UGT3A2: variants seen among roughly 807,000 people sequenced by gnomAD.
UGT3A2 encodes the protein UDP-glycosyltransferase 3A2.
UGT3A2 carries 32 observed loss-of-function variants against 39.8 expected under a neutral mutation model. The ratio of observed to expected loss-of-function variants is 0.80; its 90% confidence interval spans 0.61 to 1.08. The LOEUF (loss-of-function observed/expected upper bound fraction) is 1.08, where lower values mean the gene tolerates loss of function less well. UGT3A2 is among the 50% of genes least tolerant of loss of function. The pLI, the probability that UGT3A2 is intolerant of heterozygous loss-of-function variation, is 0.00. For synonymous variants in UGT3A2, 241 were observed against 230.7 expected, an observed-to-expected ratio of 1.04 and a Z score of -0.40; for missense variants, 611 against 637.1, an observed-to-expected ratio of 0.96 and a Z score of 0.44.
intron 6 of UGT3A2, among the ~76,000 whole-genome samples, chr5:36,036,225 T>C (rs1031078395): frequency 1.3e-5 from 2 of 152,210 alleles, no homozygotes; most frequent in Admixed American, 6.5e-5. Context: ...CAAGGAGGCT[T>C]ATGATGTGCC....
chr5:36,040,627 C>A (rs1741976943), intron 4 of UGT3A2, among the ~76,000 whole-genome samples: 1 of 152,134 alleles, frequency 6.6e-6, no homozygotes, highest in South Asian at 2.1e-4. Flanking sequence ...CAGCTGGCAC[C>A]CATGCAGGGA....
intron 2 of UGT3A2, among the ~76,000 whole-genome samples, chr5:36,058,490 C>A (rs1742583093): frequency 6.6e-6 from 1 of 152,158 alleles, no homozygotes; most frequent in African/African-American, 2.4e-5. Flanking sequence ...AGCAAACTGA[C>A]AAACTGCGTC....
At chr5:36,053,140 G>A (rs1742402331) in intron 2 of UGT3A2, among the ~76,000 whole-genome samples, 1 of 152,176 alleles carries the variant, frequency 6.6e-6, no homozygotes, top group African/African-American at 2.4e-5. Context: ...ACATTACATT[G>A]AGGGTGTCCT....
intron 3 of UGT3A2, among the ~76,000 whole-genome samples, chr5:36,050,340 G>T (rs906008351): frequency 1.3e-5 from 2 of 152,152 alleles, no homozygotes; most frequent in African/African-American, 4.8e-5. Flanking sequence ...GGAAATAGAT[G>T]AGGATGCCTA....
chr5:36,064,293 T>C lies in UGT3A2; in HGVS notation c.152A>G (p.His51Arg). 1 of 1,614,226 alleles carries C rather than the reference T, an allele frequency of 6.2e-7. No homozygotes were observed. The highest frequency in any genetic ancestry group is 1.3e-5 in the African/African-American group (1 of 75,058). ...TTTGTGGTTAAGCATGGTGACATTA[T>C]GACCGTGATCTTGAAGAATCTGAGA... is the stretch of plus-strand genomic sequence containing the variant. ...RVSQILQDHG[H>R]NVTMLNHKRG... The change falls in exon 2 of 7, where the codon CAT (histidine) becomes CGT (arginine). Residue 51 changes from histidine (H) to arginine (R), a missense_variant. His to Arg is a conservative substitution (Grantham distance 29). Transcript: ENST00000282507.
chr5:36,039,819 C>T, intron 4 of UGT3A2, 111 bp from the exon 5 acceptor site: 2 of 806,212 alleles, frequency 2.5e-6, no homozygotes. Context: ...TCCTCACTGT[C>T]CCAAAGCTAT....
At chr5:36,044,878 G>T (rs1742119571) in intron 4 of UGT3A2, among the ~76,000 whole-genome samples, 1 of 152,130 alleles carries the variant, frequency 6.6e-6, no homozygotes, top group African/African-American at 2.4e-5. Flanking sequence ...TGCACTGGAA[G>T]AATCAATATT....
intron 2 of UGT3A2, among the ~76,000 whole-genome samples, chr5:36,061,107 G>A (rs558612463): frequency 1.6e-4 from 25 of 152,210 alleles, no homozygotes; most frequent in African/African-American, 6.0e-4. Context: ...AGGTAACGGA[G>A]GTTGCAGTGA....
At chr5:36,047,710 T>C (rs1381788953) in intron 4 of UGT3A2, among the ~76,000 whole-genome samples, 1 of 152,186 alleles carries the variant, frequency 6.6e-6, no homozygotes, top group East Asian at 1.9e-4. Flanking sequence ...ACTCCCATTG[T>C]TATCCTCTTA....
intron 2 of UGT3A2, 62 bp from the exon 3 acceptor site, chr5:36,052,046 G>T: frequency 1.0e-6 from 1 of 994,592 alleles, no homozygotes; most frequent in Non-Finnish European, 1.5e-6. Flanking sequence ...AGTAACATTA[G>T]CATAACAATA....
intron 2 of UGT3A2, among the ~76,000 whole-genome samples, chr5:36,062,074 C>T (rs1413021521): frequency 6.6e-6 from 1 of 151,882 alleles, no homozygotes; most frequent in Non-Finnish European, 1.5e-5. Flanking sequence ...CCTTCACCCA[C>T]TTTTTGATGG....
intron 3 of UGT3A2, 78 bp from the exon 4 acceptor site, chr5:36,049,498 G>T (rs1253481936): frequency 1.6e-5 from 19 of 1,165,038 alleles, no homozygotes; most frequent in Non-Finnish European, 1.2e-6. Flanking sequence ...GAGATACAAA[G>T]AAAATATCCC....
At chr5:36,049,842 T>C (rs553441796) in intron 3 of UGT3A2, among the ~76,000 whole-genome samples, 5 of 152,268 alleles carry the variant, frequency 3.3e-5, no homozygotes, top group Non-Finnish European at 5.9e-5. Context: ...GATGATAGAG[T>C]TTATCAATAT....
chr5:36,055,942 C>T (rs886721293), intron 2 of UGT3A2, among the ~76,000 whole-genome samples: 4 of 152,066 alleles, frequency 2.6e-5, no homozygotes, highest in African/African-American at 9.7e-5. Context: ...TTATCTTGTC[C>T]TATCCATCTT....
intron 2 of UGT3A2, among the ~76,000 whole-genome samples, chr5:36,058,199 TAA>T (rs546650596): frequency 9.5e-4 from 144 of 152,298 alleles, no homozygotes; most frequent in African/African-American, 3.4e-3. Flanking sequence ...TATCCAGCCA[TAA>T]AAAAGTTCTA....
chr5:36,043,346 G>T (rs773926343), intron 4 of UGT3A2, among the ~76,000 whole-genome samples: 2 of 151,838 alleles, frequency 1.3e-5, no homozygotes, highest in African/African-American at 4.8e-5. Flanking sequence ...ATAATGAAAA[G>T]AAAACATACC....
chr5:36,037,893 C>A lies in UGT3A2; in HGVS notation c.1199G>T (p.Arg400Leu). Residue 400 changes from arginine to leucine, a missense_variant, in exon 6 of 7, where the codon CGA becomes CTA. Physicochemically the swap from Arg to Leu is moderately radical, Grantham distance 102. Transcript: ENST00000282507. ...AACACCAAACTTTTTGGCTTCTACT[C>A]GGACCATGTTTTCAGGCTGGTCTCC... The part of the protein sequence containing the change: ...LFGDQPENMV[R>L]VEAKKFGVSI... 6.2e-7 allele frequency: 1 copy of A among 1,613,974 alleles called. No homozygotes were observed. The highest frequency in any genetic ancestry group is 8.5e-7 in the Non-Finnish European group (1 of 1,179,954).
At chr5:36,053,546 C>T (rs1169213030) in intron 2 of UGT3A2, among the ~76,000 whole-genome samples, 1 of 152,208 alleles carries the variant, frequency 6.6e-6, no homozygotes, top group East Asian at 1.9e-4. Flanking sequence ...TAGTGCCCGC[C>T]AGGGACACCT....
chr5:36,050,347 C>T (rs1742304305), intron 3 of UGT3A2, among the ~76,000 whole-genome samples: 1 of 152,060 alleles, frequency 6.6e-6, no homozygotes, highest in South Asian at 2.1e-4. Flanking sequence ...GATGAGGATG[C>T]CTAGGCCAGC....
Sources: gnomAD v4.1 joint callset for allele counts (sites outside exome capture counted in the v4.1 genomes callset) on GRCh38, gnomAD v4.1.1 for gene constraint, MANE v1.5 for transcripts, NCBI Gene and HGNC (gene_info 2026-07-23, HGNC 2026-07-21) for gene names.